ZMIZ1: variants seen among roughly 807,000 people sequenced by gnomAD.
ZMIZ1 encodes the protein zinc finger MIZ domain-containing protein 1.
ZMIZ1 carries 17 observed loss-of-function variants against 113.9 expected under a neutral mutation model. The ratio of observed to expected loss-of-function variants is 0.15; its 90% confidence interval spans 0.10 to 0.22. The LOEUF (loss-of-function observed/expected upper bound fraction) is 0.22, where lower values mean the gene tolerates loss of function less well. Ranked by LOEUF, ZMIZ1 falls within the 10% of genes least tolerant of loss-of-function variation. The pLI, the probability that ZMIZ1 is intolerant of heterozygous loss-of-function variation, is 1.00. For missense variants in ZMIZ1, 1,059 were observed against 1,477.8 expected (o/e 0.72, Z 4.65); for synonymous variants, 607 against 603.1 (o/e 1.01, Z -0.09).
chr10:79,290,018 A>C, intron 9 of ZMIZ1, 129 bp downstream of exon 9: 1 of 935,206 alleles, frequency 1.1e-6, no homozygotes, highest in Non-Finnish European at 1.6e-6. Flanking sequence ...TCCAGGGCAC[A>C]CCCAGCTGTG....
chr10:79,232,953 CT>C (rs1476007845), intron 7 of ZMIZ1, among the ~76,000 whole-genome samples: 2 of 152,216 alleles, frequency 1.3e-5, no homozygotes, highest in Non-Finnish European at 2.9e-5. Context: ...ATGCCCAGTA[CT>C]GGTTCCATGA....
intron 1 of ZMIZ1, among the ~76,000 whole-genome samples, chr10:79,086,686 T>A (rs1842826119): frequency 6.6e-6 from 1 of 152,136 alleles, no homozygotes; most frequent in Non-Finnish European, 1.5e-5. Flanking sequence ...TGAAAAAAAT[T>A]TTTTTTGTAA....
intron 1 of ZMIZ1, among the ~76,000 whole-genome samples, chr10:79,111,106 C>T (rs1225046611): frequency 6.6e-6 from 1 of 152,232 alleles, no homozygotes; most frequent in Admixed American, 6.5e-5. Flanking sequence ...CAGTCCCCAT[C>T]ACCTGTGGGC....
chr10:79,301,711 G>A (rs1219563600), intron 17 of ZMIZ1, among the ~76,000 whole-genome samples: 7 of 152,156 alleles, frequency 4.6e-5, no homozygotes, highest in Non-Finnish European at 8.8e-5. Context: ...GTCAGAGTGA[G>A]GCGGCTGATG....
intron 2 of ZMIZ1, among the ~76,000 whole-genome samples, chr10:79,119,966 C>G (rs912072044): frequency 3.1e-4 from 37 of 120,984 alleles, no homozygotes; most frequent in Admixed American, 7.0e-4. Context: ...GGGCCTGTCC[C>G]ACTCTCTGCT....
intron 3 of ZMIZ1, among the ~76,000 whole-genome samples, chr10:79,147,005 C>G (rs1845520437): frequency 6.6e-6 from 1 of 151,994 alleles, no homozygotes; most frequent in African/African-American, 2.4e-5. Flanking sequence ...GAAACCTTAG[C>G]CATCACGTGG....
chr10:79,234,073 A>G (rs1311543215), intron 7 of ZMIZ1, among the ~76,000 whole-genome samples: 2 of 152,208 alleles, frequency 1.3e-5, no homozygotes, highest in African/African-American at 4.8e-5. Context: ...ATGCCAATCT[A>G]AGGAGCTTGA....
intron 11 of ZMIZ1, 93 bp downstream of exon 11, chr10:79,292,449 G>A (rs1853560230): frequency 6.7e-6 from 10 of 1,503,280 alleles, no homozygotes; most frequent in Non-Finnish European, 9.1e-6. Flanking sequence ...TGCTTATGGG[G>A]CCATGTGTGC....
intron 1 of ZMIZ1, among the ~76,000 whole-genome samples, chr10:79,107,183 C>G (rs1320747783): frequency 1.3e-5 from 2 of 152,372 alleles, no homozygotes; most frequent in East Asian, 1.9e-4. Flanking sequence ...TACCCATCTT[C>G]TGGCCACTTC....
intron 2 of ZMIZ1, among the ~76,000 whole-genome samples, chr10:79,128,018 C>T (rs924287066): frequency 1.3e-5 from 2 of 152,212 alleles, no homozygotes; most frequent in Non-Finnish European, 2.9e-5. Context: ...CAGTTCCTTG[C>T]GCTGAGAACT....
Position 79,298,483 on chromosome 10 carries a change from G to A in ZMIZ1, c.1569G>A (p.Gly523=). 1 of 1,605,342 alleles carries A rather than the reference G, an allele frequency of 6.2e-7. No homozygotes were observed. The highest frequency in any genetic ancestry group is 8.5e-7 in the Non-Finnish European group (1 of 1,176,240). Residue 523 remains glycine (G), a synonymous_variant, in exon 15 of 25, where the codon GGG becomes GGA. Transcript: ENST00000334512. ...PGNPTPPMTP[G]SSIPPYLSPS... is the part of the protein sequence containing the mutation. ...ACCCCACACCCCCCATGACCCCTGG[G>A]AGCAGCATCCCTCCATACCTGTCCC...
chr10:79,310,797 C>T (rs1054377720), intron 23 of ZMIZ1, 127 bp from the exon 24 acceptor site: 17 of 1,074,390 alleles, frequency 1.6e-5, no homozygotes, highest in South Asian at 6.4e-5. Flanking sequence ...CGTTCAGCCT[C>T]GTACCGGGTG....
At chr10:79,086,902 CA>C (rs1337365499) in intron 1 of ZMIZ1, among the ~76,000 whole-genome samples, 1 of 152,146 alleles carries the variant, frequency 6.6e-6, no homozygotes, top group Non-Finnish European at 1.5e-5. Context: ...CTGGTCTGTG[CA>C]ACTATTTTTT....
chr10:79,134,281 G>A (rs2132386462), intron 2 of ZMIZ1, among the ~76,000 whole-genome samples: 1 of 152,360 alleles, frequency 6.6e-6, no homozygotes, highest in Non-Finnish European at 1.5e-5. Flanking sequence ...CTTCTGTATA[G>A]ATGGAGAAAC....
At chr10:79,205,470 G>C (rs1251836925) in intron 5 of ZMIZ1, among the ~76,000 whole-genome samples, 1 of 152,358 alleles carries the variant, frequency 6.6e-6, no homozygotes, top group East Asian at 1.9e-4. Context: ...ACAGGAGGCT[G>C]TTTCTCCCCT....
intron 2 of ZMIZ1, among the ~76,000 whole-genome samples, chr10:79,134,323 A>C (rs1844900713): frequency 6.6e-6 from 1 of 152,236 alleles, no homozygotes; most frequent in Admixed American, 6.5e-5. Context: ...ACTTCCCAGC[A>C]AAACAGTGAC....
chr10:79,283,544 C>G (rs1243205987), intron 8 of ZMIZ1, among the ~76,000 whole-genome samples: 2 of 152,220 alleles, frequency 1.3e-5, no homozygotes, highest in East Asian at 3.8e-4. Flanking sequence ...CCAGCCACAT[C>G]ACACCATCTC....
rs911146049 is a variant in ZMIZ1 at position 79,296,873 on chromosome 10, G to GT, written c.1413+229dup. 1.6e-3 allele frequency: 621 copies of GT among 395,472 alleles called. No individual in the cohort carries two copies. Among genetic ancestry groups the GT allele is most frequent in the Middle Eastern group, 2.6e-3 (4 of 1,568 alleles). 24.5% of individuals were successfully genotyped at this position (395,472 alleles called of 1,614,324 possible). ...CTATTCTCATTCGTCTCGGATGATG[G>GT]TTTTTTTTTCTCCTTTTCTTATTCA... is the stretch of plus-strand genomic sequence containing the variant. On this transcript the variant is annotated intron_variant, in intron 13 of 24. Transcript: ENST00000334512. The surrounding 1 kb of genome is among the most constrained non-coding windows in gnomAD (Gnocchi z 4.1).
At chr10:79,291,620 C>T (rs1276975807) in intron 10 of ZMIZ1, among the ~76,000 whole-genome samples, 2 of 152,162 alleles carry the variant, frequency 1.3e-5, no homozygotes, top group Non-Finnish European at 2.9e-5. Flanking sequence ...ACTGCGAGTC[C>T]CTTGGCTGGG....
Sources: gnomAD v4.1 joint callset for allele counts (sites outside exome capture counted in the v4.1 genomes callset) on GRCh38, gnomAD v4.1.1 for gene constraint, Gnocchi (gnomAD v3.1) non-coding constraint, MANE v1.5 for transcripts, NCBI Gene and HGNC (gene_info 2026-07-23, HGNC 2026-07-21) for gene names.